The following MAST2 variants were observed in gnomAD, a reference collection of about 807,000 sequenced individuals.
MAST2 encodes microtubule associated serine/threonine kinase 2.
Under a neutral mutation model 147.4 loss-of-function variants are expected in MAST2, and 70 were observed. The observed-to-expected ratio is 0.47, with a 90% CI of 0.39 to 0.58. The LOEUF is 0.58. Among genes scored for constraint, MAST2 ranks in the 20% least tolerant of loss-of-function variants. The pLI is 0.00. For missense variants in MAST2, 2,080 were observed against 2,302.3 expected (o/e 0.90, Z 1.98); for synonymous variants, 869 against 896.8 (o/e 0.97, Z 0.55).
At chr1:45,974,703 G>A (rs11211235) in intron 5 of MAST2, among the ~76,000 whole-genome samples, 51,584 of 152,040 alleles carry the variant, frequency 0.34, 9,141 homozygotes, top group African/African-American at 0.43. Context: ...GGGAGAAAGA[G>A]TACACTAAGA....
At chr1:45,956,169 A>C (rs1292354641) in intron 4 of MAST2, among the ~76,000 whole-genome samples, 2 of 152,178 alleles carry the variant, frequency 1.3e-5, no homozygotes, top group Admixed American at 1.3e-4. Flanking sequence ...TGGTGGGTCA[A>C]ATTCAAATTT....
chr1:45,977,800 C>CAAAA (rs11441101), intron 5 of MAST2, among the ~76,000 whole-genome samples: 3 of 132,898 alleles, frequency 2.3e-5, no homozygotes, highest in African/African-American at 5.6e-5. Flanking sequence ...ACTCTTGTCT[C>CAAAA]AAAAAAAAAA....
intron 4 of MAST2, among the ~76,000 whole-genome samples, chr1:45,899,023 A>G (rs1387083406): frequency 6.6e-6 from 1 of 152,190 alleles, no homozygotes; most frequent in African/African-American, 2.4e-5. Flanking sequence ...TGAGGTCAGT[A>G]AAGACTCAAA....
chr1:45,901,186 G>A (rs1188455580), intron 4 of MAST2, among the ~76,000 whole-genome samples: 1 of 152,078 alleles, frequency 6.6e-6, no homozygotes. Context: ...TATATGGTGA[G>A]AGATAGGGGT....
chr1:45,957,618 T>G (rs570670249), intron 4 of MAST2, among the ~76,000 whole-genome samples: 1 of 152,312 alleles, frequency 6.6e-6, no homozygotes, highest in African/African-American at 2.4e-5. Context: ...TGTGCCAACA[T>G]GCCCAGCTAT....
At position 46,022,053 on chromosome 1, in the gene MAST2, A is replaced by G; in HGVS notation, c.1394A>G (p.Gln465Arg). 1 of 1,614,190 alleles carries G rather than the reference A, an allele frequency of 6.2e-7. No individual in the cohort carries two copies. The highest frequency in any genetic ancestry group is 1.3e-5 in the African/African-American group (1 of 75,056). The stretch of plus-strand genomic sequence containing the variant: ...GACATTCCCCGCTACATCGTTAGCC[A>G]GCTGGGCCTCACCCGGGATCCCCTA... ...KCDIPRYIVS[Q>R]LGLTRDPLEE... Residue 465 changes from glutamine (Q) to arginine (R), a missense_variant, in exon 12 of 29, where the codon CAG becomes CGG. Gln to Arg is a conservative substitution (Grantham distance 43, BLOSUM62 1). This residue lies in a region of MAST2 where 569 missense variants were observed against 642.5 expected (regional missense o/e 0.89). Transcript: ENST00000361297.
At chr1:45,915,909 G>A (rs1439618439) in intron 4 of MAST2, among the ~76,000 whole-genome samples, 1 of 151,920 alleles carries the variant, frequency 6.6e-6, no homozygotes, top group Admixed American at 6.6e-5. Context: ...ATATGAAGGA[G>A]CTTAACTTTG....
chr1:45,994,448 G>A (rs185937605), intron 5 of MAST2, among the ~76,000 whole-genome samples: 10 of 151,916 alleles, frequency 6.6e-5, no homozygotes, highest in African/African-American at 1.9e-4. Context: ...CAGCACAGCC[G>A]GTTAATTTTT....
chr1:46,021,734 T>A (rs1646190764), intron 11 of MAST2, among the ~76,000 whole-genome samples: 1 of 152,238 alleles, frequency 6.6e-6, no homozygotes, highest in African/African-American at 2.4e-5. Flanking sequence ...AGACAGCATA[T>A]GCTTAGCATG....
At chr1:45,811,693 G>T (rs1644306379) in intron 1 of MAST2, among the ~76,000 whole-genome samples, 1 of 144,554 alleles carries the variant, frequency 6.9e-6, no homozygotes, top group African/African-American at 2.6e-5. Context: ...GAGTGCAGTG[G>T]CCTGATCTTG....
At chr1:45,938,672 C>A (rs979102789) in intron 4 of MAST2, among the ~76,000 whole-genome samples, 12 of 152,208 alleles carry the variant, frequency 7.9e-5, no homozygotes, top group African/African-American at 2.7e-4. Flanking sequence ...CTGCAGTGGA[C>A]TGCATCATTT....
chr1:46,021,197 G>A (rs1557490553), intron 11 of MAST2, among the ~76,000 whole-genome samples: 1 of 152,220 alleles, frequency 6.6e-6, no homozygotes, highest in Non-Finnish European at 1.5e-5. Flanking sequence ...CTCCAAAACA[G>A]TGAGGCCACA....
At chr1:45,851,549 C>T (rs1186384068) in intron 3 of MAST2, among the ~76,000 whole-genome samples, 1 of 152,148 alleles carries the variant, frequency 6.6e-6, no homozygotes, top group African/African-American at 2.4e-5. Context: ...TTCCAGTTCT[C>T]AAGAGGAATG....
intron 4 of MAST2, among the ~76,000 whole-genome samples, chr1:45,884,883 C>A (rs1004043628): frequency 3.3e-5 from 5 of 152,166 alleles, no homozygotes; most frequent in African/African-American, 1.2e-4. Context: ...GATTGGCTAC[C>A]TGATCTCTAT....
intron 4 of MAST2, among the ~76,000 whole-genome samples, chr1:45,914,605 A>G (rs924467211): frequency 3.3e-5 from 5 of 152,038 alleles, no homozygotes; most frequent in Admixed American, 2.0e-4. Context: ...TGTACTTCAG[A>G]TTTTCTTCCT....
chr1:46,032,884 A>C (rs894230309), intron 26 of MAST2, among the ~76,000 whole-genome samples, 166 bp downstream of exon 26: 6 of 151,552 alleles, frequency 4.0e-5, no homozygotes, highest in African/African-American at 1.5e-4. Context: ...AAATCCCAAC[A>C]CTTTAGGAGG....
chr1:45,803,838 G>A lies in MAST2; in HGVS notation c.-58G>A. On this transcript the variant is annotated 5_prime_UTR_variant, in exon 1 of 29. Coordinates refer to ENST00000361297, the MANE Select transcript of MAST2 (RefSeq NM_015112.3). ...GTTGGCGCGGCTGCGCTGCGGCCCG[G>A]GGCAGTGCGGAGCCGGGACAGTCGC... is the stretch of plus-strand genomic sequence containing the variant. 2.2e-6 allele frequency: 1 copy of A among 454,476 alleles called. No individual in the cohort carries two copies. The highest frequency in any genetic ancestry group is 3.6e-6 in the Non-Finnish European group (1 of 280,210). 28.2% of individuals were successfully genotyped at this position (454,476 alleles called of 1,614,324 possible).
chr1:46,000,192 TA>T (rs1645217686), intron 6 of MAST2, among the ~76,000 whole-genome samples: 1 of 152,180 alleles, frequency 6.6e-6, no homozygotes, highest in African/African-American at 2.4e-5. Context: ...TGCAGGTCTG[TA>T]ATCCTAGCTG....
chr1:45,956,114 A>G (rs1170816643), intron 4 of MAST2, among the ~76,000 whole-genome samples: 1 of 152,216 alleles, frequency 6.6e-6, no homozygotes, highest in Non-Finnish European at 1.5e-5. Context: ...TGGATCAACT[A>G]AACAATTTGT....
Sources: allele counts gnomAD v4.1 joint callset (sites outside exome capture counted in the v4.1 genomes callset), GRCh38; gene constraint gnomAD v4.1.1; regional missense constraint gnomAD v4.1.1; transcripts MANE v1.5; gene names NCBI Gene and HGNC (gene_info 2026-07-23, HGNC 2026-07-21).